Variants in SIDT1 observed in about 807,000 individuals in gnomAD.
The protein encoded by SIDT1 is SID1 transmembrane family, member 1.
A neutral mutation model predicts 107.5 loss-of-function variants in SIDT1; 101 were observed. The observed-to-expected ratio is 0.94, with a 90% CI of 0.80 to 1.11. The LOEUF is 1.11. Ranked by LOEUF, SIDT1 falls within the 50% of genes least tolerant of loss-of-function variation. The pLI, the probability that SIDT1 is intolerant of heterozygous loss-of-function variation, is 0.00. For missense variants in SIDT1, 1,076 were observed against 1,058.2 expected (o/e 1.02, Z -0.23); for synonymous variants, 395 against 398.2 (o/e 0.99, Z 0.10).
At chr3:113,579,029 CT>C (rs1320978166) in intron 4 of SIDT1, among the ~76,000 whole-genome samples, 11 of 152,084 alleles carry the variant, frequency 7.2e-5, no homozygotes, top group Non-Finnish European at 1.3e-4. Flanking sequence ...GAAATATTTT[CT>C]TTTTCTATAA....
At position 113,577,480 on chromosome 3, in the gene SIDT1, TAAAG is replaced by T. The variant is rs372202269; in HGVS notation, c.561+519_561+522del. Reference sequence around the variant, plus strand: ...TGTAGTAAATTAGTTTCTCCTCTCATAAAGAAAGAGCCAGAATTTTGACAAAAAA... The same window carrying T: ...TGTAGTAAATTAGTTTCTCCTCTCATAAAGAGCCAGAATTTTGACAAAAAA... On this transcript the variant is annotated intron_variant, in intron 4 of 24. Coordinates refer to ENST00000264852, the MANE Select transcript of SIDT1 (RefSeq NM_017699.3). Among the ~76,000 whole-genome samples, 94 of 151,788 alleles carry T rather than the reference TAAAG, an allele frequency of 6.2e-4. 1 individual carries two copies. Among genetic ancestry groups the T allele is most frequent in the African/African-American group, 2.0e-3 (83 of 41,564 alleles).
At chr3:113,555,612 T>A (rs1236006161) in intron 1 of SIDT1, among the ~76,000 whole-genome samples, 2 of 152,214 alleles carry the variant, frequency 1.3e-5, no homozygotes, top group African/African-American at 4.8e-5. Flanking sequence ...CTTATATGAT[T>A]ATATTTATTC....
At chr3:113,625,014 AGT>A (rs1420010961) in intron 23 of SIDT1, among the ~76,000 whole-genome samples, 1 of 152,166 alleles carries the variant, frequency 6.6e-6, no homozygotes, top group African/African-American at 2.4e-5. Context: ...TATTGTGAAC[AGT>A]GCTGTAATAA....
At chr3:113,606,061 A>G (rs558877868) in intron 14 of SIDT1, among the ~76,000 whole-genome samples, 24 of 152,100 alleles carry the variant, frequency 1.6e-4, no homozygotes, top group African/African-American at 5.8e-4. Context: ...CTAACAAAAT[A>G]TTACAGTAAA....
chr3:113,595,339 G>A (rs150513140), intron 10 of SIDT1, among the ~76,000 whole-genome samples: 1,941 of 152,232 alleles, frequency 0.013, 52 homozygotes, highest in African/African-American at 0.043. Flanking sequence ...TGGGGAGGCC[G>A]AGGTTGGAGG....
At chr3:113,564,905 T>C (rs1302995246) in intron 1 of SIDT1, among the ~76,000 whole-genome samples, 1 of 152,196 alleles carries the variant, frequency 6.6e-6, no homozygotes, top group African/African-American at 2.4e-5. Flanking sequence ...CCTATCAAAT[T>C]AGTAAGTTAC....
At chr3:113,567,040 C>T (rs114601869) in intron 2 of SIDT1, among the ~76,000 whole-genome samples, 2 of 152,226 alleles carry the variant, frequency 1.3e-5, no homozygotes, top group East Asian at 3.9e-4. Context: ...TAAGATACTA[C>T]TGCACTAATA....
intron 1 of SIDT1, among the ~76,000 whole-genome samples, chr3:113,545,390 C>A (rs1027961321): frequency 1.3e-5 from 2 of 152,070 alleles, no homozygotes; most frequent in African/African-American, 4.8e-5. Flanking sequence ...TCAGCATGGG[C>A]ATATAGATTC....
intron 24 of SIDT1, among the ~76,000 whole-genome samples, chr3:113,626,823 C>A (rs1462863153): frequency 6.6e-6 from 1 of 152,042 alleles, no homozygotes; most frequent in Non-Finnish European, 1.5e-5. Context: ...ATTAAAAGTC[C>A]ATGGTGCCTG....
At chr3:113,568,458 G>A (rs1313779172) in intron 3 of SIDT1, among the ~76,000 whole-genome samples, 3 of 151,900 alleles carry the variant, frequency 2.0e-5, no homozygotes, top group Non-Finnish European at 4.4e-5. Flanking sequence ...GCCAGGCACG[G>A]TGGCGGGCAC....
At chr3:113,546,111 T>C (rs918015444) in intron 1 of SIDT1, among the ~76,000 whole-genome samples, 35 of 152,348 alleles carry the variant, frequency 2.3e-4, no homozygotes, top group African/African-American at 8.2e-4. Context: ...CACGTGTTTT[T>C]ATCCCTTTAC....
chr3:113,550,014 G>A (rs1023639425), intron 1 of SIDT1, among the ~76,000 whole-genome samples: 9 of 152,096 alleles, frequency 5.9e-5, no homozygotes, highest in Admixed American at 5.9e-4. Flanking sequence ...TATATTTTTA[G>A]CATTACACTA....
chr3:113,593,341 A>C (rs1214217916), intron 10 of SIDT1, among the ~76,000 whole-genome samples: 1 of 151,980 alleles, frequency 6.6e-6, no homozygotes, highest in East Asian at 1.9e-4. Context: ...CCTGAACTCC[A>C]CCTCCGCTCA....
chr3:113,567,040 C>G lies in SIDT1; in HGVS notation c.344+499C>G, dbSNP rs114601869. ...CAGGGGAGAAGTGTATAAGATACTACTGCACTAATAAAAAAAACTTGGAAG... is the reference window on the plus strand; with the variant it reads ...CAGGGGAGAAGTGTATAAGATACTAGTGCACTAATAAAAAAAACTTGGAAG... On this transcript the variant is annotated intron_variant, in intron 2 of 24. Transcript: ENST00000264852. Among the ~76,000 whole-genome samples, 1,158 of 152,224 alleles carry G rather than the reference C, an allele frequency of 7.6e-3. 14 individuals are homozygous for G. The highest frequency in any genetic ancestry group is 0.026 in the African/African-American group (1,083 of 41,512).
chr3:113,593,658 T>G (rs970559903), intron 10 of SIDT1, among the ~76,000 whole-genome samples: 1 of 152,228 alleles, frequency 6.6e-6, no homozygotes, highest in Non-Finnish European at 1.5e-5. Context: ...TCACCTTTTC[T>G]AGGACATAAT....
intron 9 of SIDT1, among the ~76,000 whole-genome samples, chr3:113,588,189 G>A (rs1044531670): frequency 2.0e-5 from 3 of 152,128 alleles, no homozygotes; most frequent in Non-Finnish European, 2.9e-5. Flanking sequence ...TGTGGTATAA[G>A]GCTCTATGGA....
intron 21 of SIDT1, among the ~76,000 whole-genome samples, chr3:113,622,012 A>G (rs1946490893): frequency 1.3e-5 from 2 of 152,248 alleles, no homozygotes; most frequent in African/African-American, 4.8e-5. Flanking sequence ...GCCTAATCAG[A>G]TAATCTAGCA....
At chr3:113,593,099 A>G (rs1177302520) in intron 10 of SIDT1, 51 bp downstream of exon 10, 13 of 1,434,672 alleles carry the variant, frequency 9.1e-6, no homozygotes, top group African/African-American at 1.4e-5. Flanking sequence ...TAGTGTGGCA[A>G]CATCCCATTT....
intron 24 of SIDT1, among the ~76,000 whole-genome samples, chr3:113,626,983 C>T (rs1242701056): frequency 6.6e-6 from 1 of 152,130 alleles, no homozygotes; most frequent in Admixed American, 6.5e-5. Flanking sequence ...GTTTGGGAAG[C>T]TTGGCCAATC....
Sources: gnomAD v4.1 joint callset for allele counts (sites outside exome capture counted in the v4.1 genomes callset) on GRCh38, gnomAD v4.1.1 for gene constraint, MANE v1.5 for transcripts, NCBI Gene and HGNC (gene_info 2026-07-23, HGNC 2026-07-21) for gene names.